GRIN2A: variants seen among roughly 807,000 people sequenced by gnomAD.
GRIN2A encodes glutamate ionotropic receptor NMDA type subunit 2A.
A neutral mutation model predicts 113.4 loss-of-function variants in GRIN2A; 22 were observed. The ratio of observed to expected loss-of-function variants is 0.19; its 90% CI spans 0.14 to 0.28. GRIN2A has a LOEUF of 0.28. Among genes scored for constraint, GRIN2A ranks in the 10% least tolerant of loss-of-function variants. GRIN2A has a pLI of 1.00. For synonymous variants in GRIN2A, 827 were observed against 738.4 expected (o/e 1.12, Z -1.94); for missense variants, 1,502 against 1,887.0 (o/e 0.80, Z 3.78).
At chr16:10,079,844 A>C (rs2047945119) in intron 2 of GRIN2A, among the ~76,000 whole-genome samples, 1 of 152,248 alleles carries the variant, frequency 6.6e-6, no homozygotes, top group African/African-American at 2.4e-5. Context: ...GACAGAAAGA[A>C]GGTTGCTATG....
chr16:10,015,065 C>T (rs922079507), intron 2 of GRIN2A, among the ~76,000 whole-genome samples: 4 of 151,388 alleles, frequency 2.6e-5, no homozygotes, highest in Admixed American at 6.6e-5. Context: ...ACCAGCCTGG[C>T]CAACATAGTG....
intron 3 of GRIN2A, among the ~76,000 whole-genome samples, chr16:9,918,958 T>C (rs1019476740): frequency 6.6e-6 from 1 of 152,008 alleles, no homozygotes; most frequent in Non-Finnish European, 1.5e-5. Context: ...AGATTACTTG[T>C]GGTCAGGAGT....
intron 2 of GRIN2A, among the ~76,000 whole-genome samples, chr16:10,078,512 G>C (rs1440600551): frequency 6.6e-6 from 1 of 152,086 alleles, no homozygotes; most frequent in African/African-American, 2.4e-5. Context: ...AGATGCAGGA[G>C]GGAAGGAGAT....
intron 2 of GRIN2A, among the ~76,000 whole-genome samples, chr16:10,124,627 T>C (rs1359374422): frequency 6.6e-6 from 1 of 152,042 alleles, no homozygotes; most frequent in Non-Finnish European, 1.5e-5. Context: ...AGCTGGGAGA[T>C]GGCAGGGAAA....
chr16:10,024,820 T>C (rs915565257), intron 2 of GRIN2A, among the ~76,000 whole-genome samples: 5 of 152,216 alleles, frequency 3.3e-5, no homozygotes, highest in African/African-American at 1.2e-4. Context: ...GTAAGAGCTG[T>C]TGGATGGCAT....
At chr16:9,894,462 T>TC (rs1278793587) in intron 3 of GRIN2A, among the ~76,000 whole-genome samples, 3 of 152,140 alleles carry the variant, frequency 2.0e-5, no homozygotes, top group Non-Finnish European at 2.9e-5. Context: ...AACTTTTTTT[T>TC]CTCTCTTCCT....
intron 2 of GRIN2A, among the ~76,000 whole-genome samples, chr16:10,138,064 G>C (rs930407426): frequency 1.3e-5 from 2 of 152,130 alleles, no homozygotes; most frequent in African/African-American, 2.4e-5. Context: ...TCCACTCCTA[G>C]ACCCTAGTTC....
At chr16:10,176,153 C>T (rs74391754) in intron 2 of GRIN2A, among the ~76,000 whole-genome samples, 4,124 of 151,976 alleles carry the variant, frequency 0.027, 116 homozygotes, top group African/African-American at 0.071. Flanking sequence ...TTACAGGGGC[C>T]TGCCACCACA....
At chr16:10,132,857 A>G (rs1326270268) in intron 2 of GRIN2A, among the ~76,000 whole-genome samples, 1 of 152,218 alleles carries the variant, frequency 6.6e-6, no homozygotes, top group Non-Finnish European at 1.5e-5. Flanking sequence ...AAAATGTATT[A>G]AAGTCCTGGA....
In GRIN2A at chr16:9,793,528, T is replaced by C. The variant is rs553830967; in HGVS notation, c.2356+4749A>G. 9.2e-5 allele frequency among the ~76,000 whole-genome samples: 14 copies of C among 152,220 alleles called. No individual in the cohort carries two copies. In the South Asian group the frequency reaches 2.9e-3, roughly 32 times the overall value. ...TTCAGGTTCTCACTCAAGTGTTACC[T>C]TTTAGGGACCAAGCAGAATCGAGGT... On this transcript the variant is annotated intron_variant, in intron 11 of 12. Coordinates refer to ENST00000330684, the MANE Select transcript of GRIN2A (RefSeq NM_001134407.3).
At chr16:10,079,076 G>A (rs905661580) in intron 2 of GRIN2A, among the ~76,000 whole-genome samples, 3 of 152,202 alleles carry the variant, frequency 2.0e-5, no homozygotes, top group Non-Finnish European at 4.4e-5. Flanking sequence ...GAAGGTCCGA[G>A]CTCCTTCCTC....
chr16:9,926,872 G>C (rs983573041), intron 3 of GRIN2A, among the ~76,000 whole-genome samples: 1 of 151,566 alleles, frequency 6.6e-6, no homozygotes, highest in Non-Finnish European at 1.5e-5. Context: ...GAAATCTGAT[G>C]ATAGTGTTTA....
At chr16:9,868,644 G>A (rs1489483105) in intron 4 of GRIN2A, among the ~76,000 whole-genome samples, 1 of 152,062 alleles carries the variant, frequency 6.6e-6, no homozygotes, top group African/African-American at 2.4e-5. Context: ...GTTCCCCACT[G>A]CAGCTGGAAT....
In GRIN2A at chr16:9,757,491, T is replaced by C. The variant is rs999375395; in HGVS notation, c.*5658A>G. 24 of 229,602 alleles carry C rather than the reference T, an allele frequency of 1.0e-4. No homozygotes were observed. Among genetic ancestry groups the C allele is most frequent in the African/African-American group, 4.9e-4 (22 of 45,248 alleles). 14.2% of individuals were successfully genotyped at this position (229,602 alleles called of 1,614,324 possible). Reference sequence around the variant, plus strand: ...GCATTGCATGGGTCCTTGGTTATCCTTTGTATTAGAGAACTGAACTTCTAA... The same window carrying C: ...GCATTGCATGGGTCCTTGGTTATCCCTTGTATTAGAGAACTGAACTTCTAA... On this transcript the variant is annotated 3_prime_UTR_variant, in exon 13 of 13. Coordinates refer to ENST00000330684, the MANE Select transcript of GRIN2A (RefSeq NM_001134407.3).
chr16:10,070,222 C>T (rs1179465363), intron 2 of GRIN2A, among the ~76,000 whole-genome samples: 1 of 152,156 alleles, frequency 6.6e-6, no homozygotes, highest in Admixed American at 6.5e-5. Flanking sequence ...GCCCCAGGTG[C>T]TCCTGCACCA....
At chr16:10,133,747 A>G (rs2049124089) in intron 2 of GRIN2A, among the ~76,000 whole-genome samples, 1 of 152,204 alleles carries the variant, frequency 6.6e-6, no homozygotes, top group Non-Finnish European at 1.5e-5. Context: ...CCAACTGTGG[A>G]CCTGTAAAAC....
chr16:10,124,434 C>G (rs961021807), intron 2 of GRIN2A, among the ~76,000 whole-genome samples: 4 of 152,072 alleles, frequency 2.6e-5, no homozygotes, highest in Non-Finnish European at 5.9e-5. Context: ...CAAGAGCAAA[C>G]AGGAGAAGAA....
intron 3 of GRIN2A, among the ~76,000 whole-genome samples, chr16:9,921,095 T>A (rs911849728): frequency 8.5e-5 from 13 of 152,304 alleles, no homozygotes; most frequent in African/African-American, 2.9e-4. Flanking sequence ...CTTATAAACA[T>A]TTTCCCAGGA....
intron 2 of GRIN2A, among the ~76,000 whole-genome samples, chr16:9,991,122 T>A (rs2046104974): frequency 1.3e-5 from 2 of 152,116 alleles, no homozygotes; most frequent in African/African-American, 4.8e-5. Context: ...ATGTCCTCAT[T>A]AAAAGGAAAA....
Sources: gnomAD v4.1 joint callset for allele counts (sites outside exome capture counted in the v4.1 genomes callset) on GRCh38, gnomAD v4.1.1 for gene constraint, MANE v1.5 for transcripts, NCBI Gene and HGNC (gene_info 2026-07-23, HGNC 2026-07-21) for gene names.